Variants in WNK1 observed in about 807,000 individuals in gnomAD.
WNK1 encodes WNK lysine deficient protein kinase 1, also known as serine/threonine-protein kinase WNK1.
WNK1 carries 38 observed loss-of-function variants against 222.8 expected under a neutral mutation model. That is an observed-to-expected ratio of 0.17 (90% CI 0.13 to 0.22). WNK1 has a LOEUF of 0.22. Ranked by LOEUF, WNK1 falls within the 10% of genes least tolerant of loss-of-function variation. The pLI, the probability that WNK1 is intolerant of heterozygous loss-of-function variation, is 1.00. For synonymous variants in WNK1, 1,090 were observed against 1,092.9 expected (o/e 1.00, Z 0.05); for missense variants, 2,348 against 2,918.4 (o/e 0.80, Z 4.50).
chr12:771,134 A>T (rs1488150254), intron 1 of WNK1, among the ~76,000 whole-genome samples: 1 of 151,862 alleles, frequency 6.6e-6, no homozygotes, highest in Non-Finnish European at 1.5e-5. Flanking sequence ...ATTAGCTGGG[A>T]CTACAGGTGC....
intron 2 of WNK1, among the ~76,000 whole-genome samples, chr12:816,148 A>G (rs1363080388): frequency 1.3e-5 from 2 of 152,254 alleles, no homozygotes; most frequent in African/African-American, 4.8e-5. Flanking sequence ...TGCTCTAGCC[A>G]GTGAAAGCTG....
intron 4 of WNK1, among the ~76,000 whole-genome samples, chr12:838,554 A>G (rs1949379845): frequency 6.6e-6 from 1 of 152,086 alleles, no homozygotes; most frequent in Non-Finnish European, 1.5e-5. Context: ...ATCTGGGACC[A>G]TGGACACACA....
intron 24 of WNK1, among the ~76,000 whole-genome samples, chr12:897,216 G>A (rs755633024): frequency 2.0e-5 from 3 of 152,052 alleles, no homozygotes; most frequent in Non-Finnish European, 4.4e-5. Context: ...TATTGTGTGC[G>A]TGGCCTCAAA....
chr12:873,343 G>A (rs1262460000), intron 9 of WNK1, among the ~76,000 whole-genome samples: 1 of 152,030 alleles, frequency 6.6e-6, no homozygotes, highest in Non-Finnish European at 1.5e-5. Context: ...ATAAATGTCA[G>A]ATTAAAAGAA....
intron 8 of WNK1, chr12:864,995 A>G (rs1951520095): frequency 1.5e-6 from 2 of 1,346,828 alleles, no homozygotes; most frequent in Non-Finnish European, 1.9e-6. Context: ...ACTTTGTGGA[A>G]TTGGGAGAGG....
intron 1 of WNK1, among the ~76,000 whole-genome samples, chr12:802,801 A>G (rs1946012794): frequency 6.6e-6 from 1 of 152,230 alleles, no homozygotes; most frequent in South Asian, 2.1e-4. Context: ...GAAGATGGAC[A>G]GTAAATGAGA....
chr12:888,642 G>A (rs1372700997), intron 20 of WNK1, among the ~76,000 whole-genome samples: 1 of 152,134 alleles, frequency 6.6e-6, no homozygotes, highest in Non-Finnish European at 1.5e-5. Flanking sequence ...CCATCTGTAG[G>A]GAAGAAGTAT....
chr12:825,577 G>A (rs985738523), intron 2 of WNK1, among the ~76,000 whole-genome samples: 1 of 152,130 alleles, frequency 6.6e-6, no homozygotes, highest in African/African-American at 2.4e-5. Flanking sequence ...ACATAGATAA[G>A]TCATTATTAA....
At chr12:838,411 T>TTAG (rs1565499903) in intron 4 of WNK1, among the ~76,000 whole-genome samples, 1 of 151,504 alleles carries the variant, frequency 6.6e-6, no homozygotes, top group Non-Finnish European at 1.5e-5. Flanking sequence ...ATCCTTGTTG[T>TTAG]TATTATTATT....
At chr12:860,737 A>G (rs538850308) in intron 6 of WNK1, among the ~76,000 whole-genome samples, 5 of 152,270 alleles carry the variant, frequency 3.3e-5, no homozygotes, top group East Asian at 1.9e-4. Context: ...TAGTTGCCCT[A>G]TTGTTTCGTT....
intron 4 of WNK1, among the ~76,000 whole-genome samples, chr12:851,024 G>C (rs1434441688): frequency 6.6e-6 from 1 of 152,146 alleles, no homozygotes; most frequent in African/African-American, 2.4e-5. Context: ...GAGTAGTAAA[G>C]TAGTCTACCT....
At chr12:809,116 T>C (rs2154004173) in intron 1 of WNK1, among the ~76,000 whole-genome samples, 1 of 151,578 alleles carries the variant, frequency 6.6e-6, no homozygotes, top group South Asian at 2.1e-4. Flanking sequence ...AAACAGAAAC[T>C]TTTTGTAAAT....
intron 26 of WNK1, chr12:901,686 G>T: frequency 8.5e-7 from 1 of 1,182,816 alleles, no homozygotes; most frequent in Non-Finnish European, 1.1e-6. Flanking sequence ...CCTTGTCCTT[G>T]TGTTTCTGCT....
chr12:815,908 G>A (rs1054295321), intron 2 of WNK1, among the ~76,000 whole-genome samples: 2 of 152,168 alleles, frequency 1.3e-5, no homozygotes, highest in Non-Finnish European at 1.5e-5. Flanking sequence ...TTTCCAATAC[G>A]TGTCTAAGCT....
In WNK1 at chr12:885,124, C is replaced by T. The variant is rs72650730; in HGVS notation, c.4320C>T (p.Ile1440=). Residue 1440 remains isoleucine, a synonymous_variant, in exon 19 of 28, where the codon ATC becomes ATT. Transcript: ENST00000315939. ...AAGTCCCCACATCCACATCTGAGAT[C>T]GTTGTTTCTAGTACAGCACTGTATC... ...SLQVPTSTSE[I]VVSSTALYPS... is the part of the protein sequence containing the mutation. 6.1e-4 allele frequency: 987 copies of T among 1,614,196 alleles called. 1 individual carries two copies. The highest frequency in any genetic ancestry group is 7.1e-4 in the Non-Finnish European group (837 of 1,180,026).
chr12:781,384 G>A (rs1565420348), intron 1 of WNK1: 1 of 152,232 alleles, frequency 6.6e-6, no homozygotes, highest in Non-Finnish European at 1.5e-5. Flanking sequence ...ACAGTAAGTT[G>A]TTGATAGCTA....
chr12:851,483 A>G, intron 4 of WNK1: 1 of 1,152,152 alleles, frequency 8.7e-7, no homozygotes, highest in Non-Finnish European at 1.1e-6. Context: ...GCTGTTGGGC[A>G]TGCAGTTTTG....
At chr12:879,457 T>G (rs1388622017) in intron 10 of WNK1, 116 bp from the exon 11 acceptor site, 2 of 594,568 alleles carry the variant, frequency 3.4e-6, no homozygotes. Flanking sequence ...TTTTTTTTTT[T>G]GTTTGTTTTT....
rs770673059 is a variant in WNK1 at position 900,531 on chromosome 12, C to T, written c.6504C>T (p.His2168=). Residue 2168 remains histidine (H), a synonymous_variant, in exon 26 of 28, where the codon CAC becomes CAT. Coordinates refer to ENST00000315939, the MANE Select transcript of WNK1 (RefSeq NM_018979.4). ...TCTTGCACCCCCAGCAGACCCTCCA[C>T]CCTCCTGGCAACATCCCAGAGTCCG... ...ASVLHPQQTL[H]PPGNIPESGQ... is the part of the protein sequence containing the mutation. 4 of 1,614,238 alleles carry T rather than the reference C, an allele frequency of 2.5e-6. No homozygotes were observed. In the Admixed American group the frequency reaches 6.7e-5, roughly 27 times the overall value.
Sources: gnomAD v4.1 joint callset for allele counts (sites outside exome capture counted in the v4.1 genomes callset) on GRCh38, gnomAD v4.1.1 for gene constraint, MANE v1.5 for transcripts, NCBI Gene and HGNC (gene_info 2026-07-23, HGNC 2026-07-21) for gene names.